EPB41L3: variants seen among roughly 807,000 people sequenced by gnomAD.
EPB41L3 encodes band 4.1-like protein 3.
A neutral mutation model predicts 127.1 loss-of-function variants in EPB41L3; 57 were observed. That is an observed-to-expected ratio of 0.45 (90% CI 0.36 to 0.56). The LOEUF is 0.56. Ranked by LOEUF, EPB41L3 falls within the 20% of genes least tolerant of loss-of-function variation. The pLI is 0.00. For synonymous variants in EPB41L3, 572 were observed against 549.5 expected (o/e 1.04, Z -0.57); for missense variants, 1,273 against 1,372.2 (o/e 0.93, Z 1.14).
In EPB41L3 at chr18:5,457,618, T is replaced by C. The variant is rs544285798; in HGVS notation, c.382-12374A>G. On this transcript the variant is annotated intron_variant, in intron 3 of 22. Coordinates refer to ENST00000341928, the MANE Select transcript of EPB41L3 (RefSeq NM_012307.5). ...ATCACGGTTTAGCTATCAGATTCAG[T>C]AGTGAGAGATGCTTCTGGTACACAG... Among the ~76,000 whole-genome samples the C allele has an allele frequency of 6.6e-5, 10 of 152,244 alleles. No homozygotes were observed. In the South Asian group the frequency reaches 1.9e-3, roughly 28 times the overall value.
At position 5,628,704 on chromosome 18, in the gene EPB41L3, G is replaced by A. The variant is rs181907715; in HGVS notation, c.-468+218C>T. 3.7e-3 allele frequency among the ~76,000 whole-genome samples: 567 copies of A among 152,252 alleles called. 4 individuals are homozygous for A. The highest frequency in any genetic ancestry group is 0.013 in the African/African-American group (539 of 41,578). ...AGGGAAAGCGAAAGACGCGGCCGGC[G>A]GGCCGAGGGGGCGGCCGAACGCGCC... On this transcript the variant is annotated intron_variant, in intron 1 of 21. Transcript: ENST00000545076.
rs1241677277 is a variant in EPB41L3, at chr18:5,410,613, T to G, written c.2074A>C (p.Ser692Arg). ...PSDSSEEETD[S>R]ERTDTAADGE... is the part of the protein sequence containing the mutation. Reference sequence around the variant, plus strand: ...TCGGCTGCGGTGTCCGTGCGCTCACTGTCAGTCTGTTGACCACAGAAGTGA... The same window carrying G: ...TCGGCTGCGGTGTCCGTGCGCTCACGGTCAGTCTGTTGACCACAGAAGTGA... The change falls in exon 14 of 23, where the codon AGT becomes CGT. Residue 692 changes from serine to arginine, a missense_variant. Around this residue, in one of 3 missense-constraint regions of EPB41L3, gnomAD observed 765 missense variants for 782.9 expected, o/e 0.98. Transcript: ENST00000341928. 6.2e-7 allele frequency: 1 copy of G among 1,613,320 alleles called. No individual in the cohort carries two copies. The highest frequency in any genetic ancestry group is 8.5e-7 in the Non-Finnish European group (1 of 1,179,614).
intron 1 of EPB41L3, among the ~76,000 whole-genome samples, chr18:5,493,602 C>T (rs186327116): frequency 9.6e-4 from 146 of 152,068 alleles, no homozygotes; most frequent in Admixed American, 3.9e-3. Flanking sequence ...TATCATCCAT[C>T]CAAAAAGAAA....
intron 3 of EPB41L3, among the ~76,000 whole-genome samples, chr18:5,446,564 T>C (rs2081508106): frequency 2.0e-5 from 3 of 152,334 alleles, no homozygotes; most frequent in East Asian, 1.9e-4. Flanking sequence ...AATATGAAAA[T>C]TGATCAACTA....
Position 5,425,835 on chromosome 18 carries a change from C to T in EPB41L3, c.1066-1476G>A, listed in dbSNP as rs539297956. On this transcript the variant is annotated intron_variant, in intron 9 of 22. Transcript: ENST00000341928. ...AAACTTTAGGAAGCAGAAGCCACGA[C>T]CTGCTGCCTCTGCTACCTACTCCTG... Among the ~76,000 whole-genome samples the T allele has an allele frequency of 6.2e-4, 94 of 152,310 alleles. 1 individual carries two copies. The South Asian group carries it at 0.019, about 31-fold the overall frequency.
intron 2 of EPB41L3, among the ~76,000 whole-genome samples, chr18:5,484,112 A>C (rs201280070): frequency 2.2e-4 from 31 of 138,494 alleles, no homozygotes; most frequent in South Asian, 7.0e-4. Context: ...AAAAAAAAAA[A>C]AAAAAAAAAC....
At chr18:5,575,497 G>A (rs898106647) in intron 3 of EPB41L3, among the ~76,000 whole-genome samples, 1 of 151,892 alleles carries the variant, frequency 6.6e-6, no homozygotes, top group African/African-American at 2.4e-5. Context: ...CACCCTCTTC[G>A]ACTTCCTCCA....
intron 1 of EPB41L3, among the ~76,000 whole-genome samples, chr18:5,511,221 T>C (rs750870418): frequency 3.9e-4 from 60 of 151,966 alleles, no homozygotes; most frequent in Non-Finnish European, 7.4e-4. Context: ...TTGATCTGCC[T>C]GAGACTTCCA....
At chr18:5,544,114 G>A, upstream of EPB41L3, 1 of 985,552 alleles carries the variant, frequency 1.0e-6, no homozygotes, top group South Asian at 4.7e-5. Flanking sequence ...CAGAGACCGT[G>A]CGAGGAAAGC....
At chr18:5,434,186 T>A in intron 6 of EPB41L3, 65 bp from the exon 7 acceptor site, 1 of 1,383,664 alleles carries the variant, frequency 7.2e-7, no homozygotes, top group Non-Finnish European at 1.0e-6. Context: ...GGAGGTCGCT[T>A]GGTAAAAATC....
intron 1 of EPB41L3, among the ~76,000 whole-genome samples, chr18:5,616,415 C>A (rs2094795933): frequency 6.6e-6 from 1 of 152,056 alleles, no homozygotes; most frequent in Non-Finnish European, 1.5e-5. Context: ...AAAAAATGCA[C>A]CTAAAGTGTT....
intron 3 of EPB41L3, among the ~76,000 whole-genome samples, chr18:5,471,412 T>A (rs1029479069): frequency 7.9e-5 from 12 of 152,150 alleles, no homozygotes; most frequent in Admixed American, 7.2e-4. Flanking sequence ...GGAATCATGC[T>A]AGGGAAGATT....
chr18:5,399,003 A>T lies in EPB41L3; in HGVS notation c.2350-860T>A, dbSNP rs572787545. The T allele has an allele frequency of 9.5e-4, 379 of 398,838 alleles. 1 individual carries two copies. The highest frequency in any genetic ancestry group is 2.5e-3 in the Middle Eastern group (4 of 1,612). The allele number at this position is 398,838 out of a possible 1,614,324, so 24.7% of individuals were successfully genotyped here. A position where few individuals can be genotyped will look rare whatever the true frequency, so the allele number is the denominator to read the frequency against. ...TTTCTCATCAGCGAGGGTTTCCAGGACCTCATATTCTGCCAGGCCGGGAAT... is the reference window on the plus strand; with the variant it reads ...TTTCTCATCAGCGAGGGTTTCCAGGTCCTCATATTCTGCCAGGCCGGGAAT... On this transcript the variant is annotated intron_variant, in intron 16 of 22. Coordinates refer to ENST00000341928, the MANE Select transcript of EPB41L3 (RefSeq NM_012307.5).
At position 5,560,341 on chromosome 18, in the gene EPB41L3, T is replaced by TG. The variant is rs536618381; in HGVS notation, c.-306+51998_-306+51999insC. Reference sequence around the variant, plus strand: ...GACACTAATCTAGATTCAGCAACTTTAAGAGTGAAGAACTCTCATCCCTAC... The same window carrying TG: ...GACACTAATCTAGATTCAGCAACTTTGAAGAGTGAAGAACTCTCATCCCTAC... On this transcript the variant is annotated intron_variant, in intron 3 of 21. Coordinates refer to the EPB41L3 transcript ENST00000545076. 1.2e-4 allele frequency among the ~76,000 whole-genome samples: 18 copies of TG among 152,336 alleles called. No homozygotes were observed. In the South Asian group the frequency reaches 3.1e-3, roughly 26 times the overall value.
chr18:5,422,522 C>T (rs2145180088), intron 11 of EPB41L3, among the ~76,000 whole-genome samples: 1 of 152,172 alleles, frequency 6.6e-6, no homozygotes, highest in East Asian at 1.9e-4. Flanking sequence ...CCAGAAACTC[C>T]TAATTCTTTT....
chr18:5,506,044 TCTGCCCCAGC>T (rs1231500914), intron 1 of EPB41L3, among the ~76,000 whole-genome samples: 2 of 148,472 alleles, frequency 1.3e-5, no homozygotes, highest in East Asian at 4.2e-4. Context: ...CACCCTCACC[TCTGCCCCAGC>T]CTACCCCGCC....
At chr18:5,475,491 G>C (rs965877186) in intron 3 of EPB41L3, among the ~76,000 whole-genome samples, 3 of 152,172 alleles carry the variant, frequency 2.0e-5, no homozygotes, top group Non-Finnish European at 4.4e-5. Context: ...AGGATGGCTC[G>C]CTGCCTTCTG....
intron 19 of EPB41L3, 40 bp from the exon 20 acceptor site, chr18:5,395,747 A>C: frequency 6.6e-7 from 1 of 1,507,876 alleles, no homozygotes; most frequent in Non-Finnish European, 9.2e-7. Context: ...CCAGGTGCTC[A>C]CATCTGCTCT....
chr18:5,595,409 C>A (rs116387583), intron 3 of EPB41L3, among the ~76,000 whole-genome samples: 1,775 of 152,274 alleles, frequency 0.012, 28 homozygotes, highest in African/African-American at 0.035. Flanking sequence ...GCCAGGAATA[C>A]ACTGTCTCCT....
Sources: allele counts gnomAD v4.1 joint callset (sites outside exome capture counted in the v4.1 genomes callset), GRCh38; gene constraint gnomAD v4.1.1; regional missense constraint gnomAD v4.1.1; transcripts MANE v1.5; gene names NCBI Gene and HGNC (gene_info 2026-07-23, HGNC 2026-07-21).